Variants in RHBDD1 observed in about 807,000 individuals in gnomAD.
RHBDD1 encodes the protein rhomboid-related protein 4.
RHBDD1 carries 38 observed loss-of-function variants against 36.3 expected under a neutral mutation model. That is an observed-to-expected ratio of 1.05 (90% CI 0.81 to 1.37). The LOEUF is 1.37. Among genes scored for constraint, RHBDD1 ranks in the 40% most tolerant of loss-of-function variants. The probability of loss-of-function intolerance (pLI) is 0.00; values close to 1 mark genes in which losing one functional copy is unlikely to be tolerated. For missense variants in RHBDD1, 393 were observed against 377.6 expected, an observed-to-expected ratio of 1.04 and a Z score of -0.34; for synonymous variants, 151 against 136.5, an observed-to-expected ratio of 1.11 and a Z score of -0.74.
At position 226,864,700 on chromosome 2, in the gene RHBDD1, C is replaced by T. The variant is rs200984958; in HGVS notation, c.7C>T (p.Arg3Trp). 8.5e-5 allele frequency: 137 copies of T among 1,612,534 alleles called. No individual in the cohort carries two copies. Among genetic ancestry groups the T allele is most frequent in the Non-Finnish European group, 1.0e-4 (121 of 1,179,030 alleles). The change falls in exon 4 of 9, where the codon CGG becomes TGG. Residue 3 changes from arginine (R) to tryptophan (W), a missense_variant. Coordinates refer to ENST00000392062, the MANE Select transcript of RHBDD1 (RefSeq NM_001167608.3). MQ[R>W]RSRGINTGLI... ...GTTTCCCTGATATCTGGCCATGCAACGGAGATCAAGAGGGATAAATACTGG... is the reference window on the plus strand; with the variant it reads ...GTTTCCCTGATATCTGGCCATGCAATGGAGATCAAGAGGGATAAATACTGG...
chr2:226,887,956 C>T (rs1028792065), intron 5 of RHBDD1, among the ~76,000 whole-genome samples: 1 of 152,142 alleles, frequency 6.6e-6, no homozygotes, highest in African/African-American at 2.4e-5. Context: ...AGATACAACA[C>T]GTATGCAGAT....
At chr2:226,979,137 G>A (rs530682140) in intron 8 of RHBDD1, among the ~76,000 whole-genome samples, 12 of 152,228 alleles carry the variant, frequency 7.9e-5, no homozygotes, top group South Asian at 4.2e-4. Context: ...AACCTGCAGC[G>A]CAGCCGTCAG....
At chr2:226,969,716 T>C (rs1460084131) in intron 8 of RHBDD1, among the ~76,000 whole-genome samples, 1 of 152,234 alleles carries the variant, frequency 6.6e-6, no homozygotes, top group Non-Finnish European at 1.5e-5. Context: ...GTAATCCATA[T>C]GTTCCTGAGT....
In RHBDD1 at chr2:226,906,850, G is replaced by A. The variant is rs1948093658; in HGVS notation, c.624G>A (p.Gly208=). ...TTGTTGGACTAATGTACACTCAAGG[G>A]CCTCTGAAGAAAATCATGGAAGCAT... The part of the protein sequence containing the change: ...GILVGLMYTQ[G]PLKKIMEACA... Residue 208 remains glycine (G), a synonymous_variant, in exon 6 of 9, where the codon GGG becomes GGA. Coordinates refer to ENST00000392062, the MANE Select transcript of RHBDD1 (RefSeq NM_001167608.3). 5.0e-6 allele frequency: 8 copies of A among 1,614,140 alleles called. No individual in the cohort carries two copies. The highest frequency in any genetic ancestry group is 2.2e-5 in the East Asian group (1 of 44,884).
intron 5 of RHBDD1, among the ~76,000 whole-genome samples, chr2:226,877,166 G>A (rs2125351135): frequency 6.6e-6 from 1 of 152,340 alleles, no homozygotes; most frequent in Non-Finnish European, 1.5e-5. Context: ...GGTGGAACCT[G>A]AAACCATATC....
chr2:226,931,071 C>T (rs1950003264), intron 8 of RHBDD1, among the ~76,000 whole-genome samples: 1 of 151,972 alleles, frequency 6.6e-6, no homozygotes, highest in Admixed American at 6.6e-5. Context: ...CTATGGAAAA[C>T]AGTACAGAGA....
At chr2:226,926,237 A>T (rs552278920) in intron 8 of RHBDD1, among the ~76,000 whole-genome samples, 79 of 152,144 alleles carry the variant, frequency 5.2e-4, no homozygotes, top group Admixed American at 1.6e-3. Context: ...AAAAAAAAAA[A>T]AATAAGGGCC....
intron 8 of RHBDD1, among the ~76,000 whole-genome samples, chr2:226,972,407 C>T (rs532534564): frequency 6.6e-6 from 1 of 152,284 alleles, no homozygotes; most frequent in South Asian, 2.1e-4. Flanking sequence ...CAGGGATTAC[C>T]TAAAGAGCAG....
chr2:226,823,763 G>A, the RHBDD1 span, among the ~76,000 whole-genome samples: 1 of 152,154 alleles, frequency 6.6e-6, no homozygotes, highest in East Asian at 1.9e-4. Flanking sequence ...TTGACTCATG[G>A]TTCTGGAGGC....
At chr2:226,947,063 T>G (rs1259717113) in intron 8 of RHBDD1, among the ~76,000 whole-genome samples, 1 of 152,208 alleles carries the variant, frequency 6.6e-6, no homozygotes, top group Non-Finnish European at 1.5e-5. Context: ...TATTGTTCAC[T>G]CTGATGGTAG....
intron 5 of RHBDD1, among the ~76,000 whole-genome samples, chr2:226,887,750 T>C (rs1946352006): frequency 6.6e-6 from 1 of 152,240 alleles, no homozygotes; most frequent in Admixed American, 6.5e-5. Context: ...TTCAGTACTA[T>C]GCAGGCAGCA....
chr2:226,954,965 A>G (rs1234242442), intron 8 of RHBDD1, among the ~76,000 whole-genome samples: 1 of 151,950 alleles, frequency 6.6e-6, no homozygotes, highest in Non-Finnish European at 1.5e-5. Flanking sequence ...GTTCACCCAG[A>G]GGGACTTGCC....
intron 8 of RHBDD1, among the ~76,000 whole-genome samples, chr2:226,994,677 G>C (rs996316928): frequency 6.6e-6 from 1 of 152,114 alleles, no homozygotes; most frequent in East Asian, 1.9e-4. Flanking sequence ...ATTACCTTTA[G>C]GTTGCTGGTT....
intron 8 of RHBDD1, among the ~76,000 whole-genome samples, chr2:226,947,590 T>C (rs549741505): frequency 0.017 from 2,529 of 152,262 alleles, 62 homozygotes; most frequent in African/African-American, 0.058. Context: ...ATGCAGGCTC[T>C]TTTTTGGTTC....
chr2:226,924,532 G>A (rs1949542949), intron 8 of RHBDD1, among the ~76,000 whole-genome samples: 1 of 152,212 alleles, frequency 6.6e-6, no homozygotes, highest in African/African-American at 2.4e-5. Context: ...TGTCTCACTG[G>A]AAGGCATGTC....
chr2:226,895,038 A>T (rs1946985841), intron 5 of RHBDD1, among the ~76,000 whole-genome samples: 2 of 152,300 alleles, frequency 1.3e-5, no homozygotes, highest in South Asian at 4.1e-4. Flanking sequence ...GCCCTGGCAG[A>T]AGGGAGAGAG....
At chr2:226,867,078 T>G (rs1321553166) in intron 4 of RHBDD1, 108 bp from the exon 5 acceptor site, 3 of 1,133,984 alleles carry the variant, frequency 2.6e-6, no homozygotes, top group Non-Finnish European at 3.8e-6. Flanking sequence ...AAGCACAAAG[T>G]TGGATGTAAT....
chr2:226,964,814 C>T (rs1182610793), intron 8 of RHBDD1, among the ~76,000 whole-genome samples: 1 of 152,140 alleles, frequency 6.6e-6, no homozygotes, highest in African/African-American at 2.4e-5. Context: ...CTGTTCTTTA[C>T]AAATGGATAG....
At chr2:226,807,301 G>C in the RHBDD1 span, among the ~76,000 whole-genome samples, 3 of 152,200 alleles carry the variant, frequency 2.0e-5, no homozygotes, top group Admixed American at 1.3e-4. Context: ...TTTTGCATCA[G>C]TTTTGGATTG....
Sources: gnomAD v4.1 joint callset for allele counts (sites outside exome capture counted in the v4.1 genomes callset) on GRCh38, gnomAD v4.1.1 for gene constraint, MANE v1.5 for transcripts, NCBI Gene and HGNC (gene_info 2026-07-23, HGNC 2026-07-21) for gene names.